ELP1: variants seen among roughly 807,000 people sequenced by gnomAD.
ELP1 encodes elongator acetyltransferase complex subunit 1.
Under a neutral mutation model 183.2 loss-of-function variants are expected in ELP1, and 131 were observed. The ratio of observed to expected loss-of-function variants is 0.72; its 90% CI spans 0.62 to 0.83. ELP1 has a LOEUF of 0.83. Among genes scored for constraint, ELP1 ranks in the 40% least tolerant of loss-of-function variants. The pLI, the probability that ELP1 is intolerant of heterozygous loss-of-function variation, is 0.00. For missense variants in ELP1, 1,550 were observed against 1,594.9 expected, an observed-to-expected ratio of 0.97 and a Z score of 0.48; for synonymous variants, 555 against 569.0, an observed-to-expected ratio of 0.98 and a Z score of 0.35.
chr9:108,877,846 T>C, intron 35 of ELP1, 149 bp downstream of exon 35: 1 of 832,284 alleles, frequency 1.2e-6, no homozygotes, highest in Non-Finnish European at 2.0e-6. Context: ...TATCAAATCT[T>C]ACTGACAGCT....
Position 108,908,168 on chromosome 9 carries a change from G to T in ELP1, c.1460+137C>A, listed in dbSNP as rs1157571543. ...ATGACTGGCTTCTCCAATCAGATCC[G>T]AAAGTCAGGGCCTGGGTGTTGTCTT... On this transcript the variant is annotated intron_variant, in intron 13 of 36. Coordinates refer to ENST00000374647, the MANE Select transcript of ELP1 (RefSeq NM_003640.5). 38 of 705,790 alleles carry T rather than the reference G, an allele frequency of 5.4e-5. No individual in the cohort carries two copies. In the South Asian group the frequency reaches 5.6e-4, roughly 10 times the overall value. The allele number at this position is 705,790 out of a possible 1,614,324, so 43.7% of individuals were successfully genotyped here.
intron 29 of ELP1, among the ~76,000 whole-genome samples, chr9:108,886,389 A>C (rs1465131477): frequency 6.6e-6 from 1 of 152,214 alleles, no homozygotes; most frequent in East Asian, 1.9e-4. Context: ...AAAAACTACA[A>C]TATCCCTCAT....
intron 10 of ELP1, among the ~76,000 whole-genome samples, chr9:108,913,927 G>C (rs963390704): frequency 6.6e-6 from 1 of 152,196 alleles, no homozygotes; most frequent in Admixed American, 6.5e-5. Context: ...AACTGCGGCT[G>C]TTTAAAATCA....
chr9:108,888,567 G>A (rs1209253928), intron 29 of ELP1, among the ~76,000 whole-genome samples: 3 of 152,068 alleles, frequency 2.0e-5, no homozygotes, highest in Non-Finnish European at 4.4e-5. Flanking sequence ...TACCCTTTTA[G>A]GTATGTTTCA....
chr9:108,875,550 T>C (rs1827677446), intron 35 of ELP1: 1 of 299,436 alleles, frequency 3.3e-6, no homozygotes, highest in South Asian at 2.9e-5. Context: ...ATCCTGCACA[T>C]ACCACAACCA....
intron 12 of ELP1, among the ~76,000 whole-genome samples, chr9:108,910,769 A>G (rs529734434): frequency 1.3e-5 from 2 of 152,212 alleles, no homozygotes; most frequent in African/African-American, 4.8e-5. Flanking sequence ...GTTATTCTTA[A>G]ATAACTGACT....
chr9:108,913,920 T>C lies in ELP1; in HGVS notation c.959-1426A>G, dbSNP rs527565551. Among the ~76,000 whole-genome samples, 3 of 152,336 alleles carry C rather than the reference T, an allele frequency of 2.0e-5. 1 individual carries two copies. The highest frequency in any genetic ancestry group is 7.2e-5 in the African/African-American group (3 of 41,574). ...CACTGGTTAATCGGTGGTTCTCAACTGCGGCTGTTTAAAATCACTTGGGGG... is the reference window on the plus strand; with the variant it reads ...CACTGGTTAATCGGTGGTTCTCAACCGCGGCTGTTTAAAATCACTTGGGGG... On this transcript the variant is annotated intron_variant, in intron 10 of 36. Coordinates refer to ENST00000374647, the MANE Select transcript of ELP1 (RefSeq NM_003640.5).
Position 108,929,890 on chromosome 9 carries a change from C to T in ELP1, c.182G>A (p.Gly61Asp). 2 of 1,613,846 alleles carry T rather than the reference C, an allele frequency of 1.2e-6. No homozygotes were observed. Among genetic ancestry groups the T allele is most frequent in the Non-Finnish European group, 8.5e-7 (1 of 1,180,016 alleles). The change falls in exon 3 of 37, where the codon GGC becomes GAC. Residue 61 changes from glycine (G) to aspartate (D), a missense_variant. Transcript: ENST00000374647. ...GCCACTTCCATCCTCTGGGAGAAAG[C>T]CTTCTGCCACCAAAGAAACTTCATT... ...VKNEVSLVAE[G>D]FLPEDGSGRI...
intron 13 of ELP1, 62 bp downstream of exon 13, chr9:108,908,243 G>C: frequency 8.1e-7 from 1 of 1,238,148 alleles, no homozygotes; most frequent in East Asian, 2.3e-5. Context: ...TCAGATGGCT[G>C]AATTTAGGAC....
chr9:108,912,150 C>G, intron 11 of ELP1, 114 bp downstream of exon 11: 1 of 841,070 alleles, frequency 1.2e-6, no homozygotes, highest in Non-Finnish European at 2.0e-6. Flanking sequence ...AACAAGTAAC[C>G]CAAACAGCCA....
In ELP1 at chr9:108,912,306, C is replaced by A. The variant is rs1254770684; in HGVS notation, c.1147G>T (p.Asp383Tyr). The A allele has an allele frequency of 3.1e-6, 5 of 1,614,200 alleles. No homozygotes were observed. The highest frequency in any genetic ancestry group is 4.2e-6 in the Non-Finnish European group (5 of 1,180,032). ...ACATTGGACAAGTCACTTGAATTAT[C>A]TCCCACGCTCCGGTCAGTCGTCCAG... Reference protein sequence around the residue: ...WHWTTDRSVGDNSSDLSNVAV... With the variant: ...WHWTTDRSVGYNSSDLSNVAV... Residue 383 changes from aspartate to tyrosine, a missense_variant, in exon 11 of 37, where the codon GAT (aspartate) becomes TAT (tyrosine). Asp to Tyr is a radical substitution (Grantham distance 160). Transcript: ENST00000374647.
At chr9:108,907,768 T>C (rs911796367) in intron 13 of ELP1, among the ~76,000 whole-genome samples, 1 of 152,240 alleles carries the variant, frequency 6.6e-6, no homozygotes, top group African/African-American at 2.4e-5. Flanking sequence ...TGTGGCATTA[T>C]AATTTGGTTT....
intron 11 of ELP1, among the ~76,000 whole-genome samples, chr9:108,912,046 C>A (rs1829243173): frequency 6.6e-6 from 1 of 152,098 alleles, no homozygotes; most frequent in African/African-American, 2.4e-5. Context: ...CGTGTGAAGG[C>A]CACAGATGCA....
intron 13 of ELP1, 30 bp from the exon 14 acceptor site, chr9:108,906,515 C>T: frequency 6.3e-7 from 1 of 1,595,918 alleles, no homozygotes; most frequent in East Asian, 2.2e-5. Context: ...ATATCCAAGA[C>T]ATGAATAAAA....
chr9:108,896,847 C>T (rs1282714968), intron 24 of ELP1, 106 bp downstream of exon 24: 2 of 1,177,368 alleles, frequency 1.7e-6, no homozygotes, highest in East Asian at 4.7e-5. Flanking sequence ...ACTAAAAAGT[C>T]ACATGTTAAA....
chr9:108,896,358 T>C (rs1038192098), intron 25 of ELP1, 138 bp downstream of exon 25: 21 of 781,432 alleles, frequency 2.7e-5, no homozygotes, highest in Non-Finnish European at 4.4e-5. Flanking sequence ...ATGTGGGCCC[T>C]AGAAACTCAC....
intron 36 of ELP1, among the ~76,000 whole-genome samples, chr9:108,870,036 C>T (rs1458370410): frequency 6.6e-6 from 1 of 151,874 alleles, no homozygotes; most frequent in Non-Finnish European, 1.5e-5. Flanking sequence ...AGTGCAGTGG[C>T]ACGATCATGA....
At chr9:108,871,772 T>C (rs1043238445) in intron 36 of ELP1, among the ~76,000 whole-genome samples, 3 of 152,240 alleles carry the variant, frequency 2.0e-5, no homozygotes, top group African/African-American at 7.2e-5. Flanking sequence ...TCTCAAATCA[T>C]AATAGTTGTA....
intron 27 of ELP1, among the ~76,000 whole-genome samples, chr9:108,892,161 G>A (rs1406469280): frequency 6.6e-5 from 10 of 152,168 alleles, no homozygotes; most frequent in African/African-American, 2.4e-5. Flanking sequence ...TCACCAAGGC[G>A]AGGGCAGGCT....
Sources: allele counts gnomAD v4.1 joint callset (sites outside exome capture counted in the v4.1 genomes callset), GRCh38; gene constraint gnomAD v4.1.1; transcripts MANE v1.5; gene names NCBI Gene and HGNC (gene_info 2026-07-23, HGNC 2026-07-21).